The following TBX22 variants were observed in gnomAD, a reference collection of about 807,000 sequenced individuals.
The protein encoded by TBX22 is T-box transcription factor TBX22.
A neutral mutation model predicts 30.1 loss-of-function variants in TBX22; 8 were observed. The ratio of observed to expected loss-of-function variants is 0.27; its 90% confidence interval spans 0.16 to 0.48. The LOEUF (loss-of-function observed/expected upper bound fraction) is 0.48, where lower values mean the gene tolerates loss of function less well. TBX22 is among the 20% of genes least tolerant of loss of function. TBX22 has a pLI of 0.99. For synonymous variants in TBX22, 173 were observed against 149.1 expected (o/e 1.16, Z -1.17); for missense variants, 463 against 400.5 (o/e 1.16, Z -1.33).
At chrX:80,018,333 A>T (rs1391015947) in intron 1 of TBX22, among the ~76,000 whole-genome samples, 1 of 112,439 alleles carries the variant, frequency 8.9e-6, no homozygotes, top group Non-Finnish European at 1.9e-5. Flanking sequence ...TGAACTTGAT[A>T]AAAACAGGTC....
chrX:80,020,538 T>A (rs1337374670), intron 1 of TBX22, among the ~76,000 whole-genome samples: 1 of 112,132 alleles, frequency 8.9e-6, no homozygotes, highest in Non-Finnish European at 1.9e-5. Context: ...TTCTCAATTC[T>A]GCATGGTGAG....
At position 80,031,038 on chromosome X, in the gene TBX22, A is replaced by G; in HGVS notation, c.1490A>G (p.Asp497Gly). Reference protein sequence around the residue: ...SGSNHLKVNDDSQVSFGEGKC... With the variant: ...SGSNHLKVNDGSQVSFGEGKC... ...TCCAACCATCTTAAAGTGAATGACG[A>G]CAGTCAAGTTTCTTTTGGAGAAGGC... The change falls in exon 9 of 9, where the codon GAC becomes GGC. Residue 497 changes from aspartate to glycine, a missense_variant. Asp to Gly is a moderately conservative substitution (Grantham distance 94). Transcript: ENST00000373296. 2 of 1,210,910 alleles carry G rather than the reference A, an allele frequency of 1.7e-6. No homozygotes were observed. The highest frequency in any genetic ancestry group is 2.2e-6 in the Non-Finnish European group (2 of 894,515).
At chrX:80,027,223 G>A (rs368333498) in intron 6 of TBX22, 33 bp from the exon 7 acceptor site, 79 of 804,713 alleles carry the variant, frequency 9.8e-5, no homozygotes, top group Non-Finnish European at 1.4e-4. Flanking sequence ...TGAAAGCAAT[G>A]ACTTTATCTT....
At chrX:80,026,165 T>C (rs1171713220) in intron 5 of TBX22, among the ~76,000 whole-genome samples, 1 of 111,080 alleles carries the variant, frequency 9.0e-6, no homozygotes, top group Non-Finnish European at 1.9e-5. Flanking sequence ...GTATGGTATG[T>C]GTGATGGAAG....
chrX:80,021,488 C>G (rs1186342165), intron 1 of TBX22, among the ~76,000 whole-genome samples: 3 of 112,133 alleles, frequency 2.7e-5, no homozygotes, highest in Non-Finnish European at 3.8e-5. Context: ...TTCTGTTTCC[C>G]AGTGCCTTCA....
intron 3 of TBX22, among the ~76,000 whole-genome samples, chrX:80,023,684 C>T (rs1923830140): frequency 9.0e-6 from 1 of 111,618 alleles, no homozygotes. Context: ...TTCACTGCAG[C>T]TGGTTATTTT....
intron 1 of TBX22, among the ~76,000 whole-genome samples, chrX:80,017,658 C>T (rs1162134026): frequency 1.8e-5 from 2 of 111,529 alleles, no homozygotes; most frequent in East Asian, 2.8e-4. Flanking sequence ...TTTTCTTTTT[C>T]GTTTATTCAT....
intron 1 of TBX22, among the ~76,000 whole-genome samples, chrX:80,019,631 C>A (rs764933746): frequency 9.0e-6 from 1 of 110,988 alleles, no homozygotes; most frequent in Non-Finnish European, 1.9e-5. Context: ...TTAGTACATG[C>A]GCCTCAGGCC....
chrX:80,022,413 G>A lies in TBX22; in HGVS notation c.144G>A (p.Arg48=), dbSNP rs1378785446. 1 of 1,198,578 alleles carries A rather than the reference G, an allele frequency of 8.3e-7. No homozygotes were observed. Among genetic ancestry groups the A allele is most frequent in the Non-Finnish European group, 1.1e-6 (1 of 888,895 alleles). ...GCGGAGAGGAAGAGGAGGAGAGAAG[G>A]AGCAGCGCTGCAGGGAAGAGCGAGC... ...KKGGEEEEER[R]SSAAGKSEPL... Residue 48 remains arginine (R), a synonymous_variant, in exon 2 of 9, where the codon AGG becomes AGA. Coordinates refer to ENST00000373296, the MANE Select transcript of TBX22 (RefSeq NM_001109878.2).
At position 80,027,261 on chromosome X, in the gene TBX22, G is replaced by A. The variant is rs150811689; in HGVS notation, c.804G>A (p.Thr268=). 6.7e-4 allele frequency: 702 copies of A among 1,050,330 alleles called. No homozygotes were observed. The African/African-American group carries it at 7.5e-3, about 11-fold the overall frequency. 86.6% of individuals were successfully genotyped at this position (1,050,330 alleles called of 1,213,427 possible). The part of the protein sequence containing the change: ...TVTAYQNQQI[T]KLKIERNPFA... Reference sequence around the variant, plus strand: ...TCTCTCTATTGAATCCATAGATTACGAAACTAAAAATAGAAAGAAATCCTT... The same window carrying A: ...TCTCTCTATTGAATCCATAGATTACAAAACTAAAAATAGAAAGAAATCCTT... Residue 268 remains threonine (T), a synonymous_variant, in exon 7 of 9, where the codon ACG becomes ACA. Transcript: ENST00000373296.
In TBX22 at chrX:80,022,849, G is replaced by C. The variant is rs186431099; in HGVS notation, c.176-211G>C. Among the ~76,000 whole-genome samples the C allele has an allele frequency of 8.2e-4, 89 of 108,436 alleles. 1 individual carries two copies. In the East Asian group the frequency reaches 0.024, roughly 29 times the overall value. The allele number at this position is 108,436 out of a possible 115,157, so 94.2% of individuals were successfully genotyped here. ...AAAAAAAAAAAAAGCTGGTGTGGGC[G>C]GGGGGTAGGTGTCGGGTGTCGCACC... is the stretch of plus-strand genomic sequence containing the variant. On this transcript the variant is annotated intron_variant, in intron 2 of 8. Coordinates refer to ENST00000373296, the MANE Select transcript of TBX22 (RefSeq NM_001109878.2).
chrX:80,022,069 A>ACAG (rs1469723851), intron 1 of TBX22, among the ~76,000 whole-genome samples, 199 bp from the exon 2 acceptor site: 5 of 92,802 alleles, frequency 5.4e-5, no homozygotes, highest in Non-Finnish European at 1.1e-4. Context: ...CACACACACA[A>ACAG]TTATTTTCTT....
At chrX:80,017,384 G>A (rs1282747357) in intron 1 of TBX22, among the ~76,000 whole-genome samples, 5 of 107,740 alleles carry the variant, frequency 4.6e-5, no homozygotes, top group Admixed American at 1.0e-4. Context: ...GGATGATCTC[G>A]AACTCCTGGA....
rs776595410 is a variant in TBX22 at position 80,023,175 on chromosome X, A to G, written c.291A>G (p.Gln97=). The change falls in exon 3 of 9, where the codon CAA becomes CAG. Residue 97 remains glutamine, a synonymous_variant. Coordinates refer to ENST00000373296, the MANE Select transcript of TBX22 (RefSeq NM_001109878.2). The part of the protein sequence containing the change: ...LEEKDIQMEL[Q]GSELWKRFHD... Reference sequence around the variant, plus strand: ...AGAAAGATATTCAAATGGAGCTTCAAGGATCTGAACTGTGGAAAAGATTCC... The same window carrying G: ...AGAAAGATATTCAAATGGAGCTTCAGGGATCTGAACTGTGGAAAAGATTCC... 4.1e-5 allele frequency: 50 copies of G among 1,210,376 alleles called. No individual in the cohort carries two copies. Among genetic ancestry groups the G allele is most frequent in the Non-Finnish European group, 5.0e-5 (45 of 895,176 alleles).
intron 2 of TBX22, among the ~76,000 whole-genome samples, chrX:80,022,816 C>CT (rs1555992012): frequency 4.1e-5 from 3 of 73,048 alleles, no homozygotes; most frequent in African/African-American, 1.7e-4. Context: ...ATTGGCAAAT[C>CT]TAAAAAAAAA....
intron 1 of TBX22, among the ~76,000 whole-genome samples, chrX:80,016,994 A>C (rs1389449787): frequency 6.2e-5 from 5 of 80,970 alleles, no homozygotes; most frequent in Non-Finnish European, 2.3e-5. Flanking sequence ...CAACAGAGGG[A>C]GATTCTGTCT....
intron 1 of TBX22, among the ~76,000 whole-genome samples, chrX:80,021,745 C>T (rs1923703176): frequency 8.9e-6 from 1 of 111,746 alleles, no homozygotes; most frequent in African/African-American, 3.3e-5. Flanking sequence ...CCAAAACAAA[C>T]AGTGGAGGCA....
Position 80,023,235 on chromosome X carries a change from G to T in TBX22, c.351G>T (p.Ala117=). 1 of 1,210,871 alleles carries T rather than the reference G, an allele frequency of 8.3e-7. No individual in the cohort carries two copies. Among genetic ancestry groups the T allele is most frequent in the Non-Finnish European group, 1.1e-6 (1 of 894,888 alleles). ...DIGTEMIITK[A]GRRMFPSVRV... is the part of the protein sequence containing the mutation. ...GGACTGAGATGATCATTACTAAAGC[G>T]GGCAGGTTCGGTTCTGCCCAAGCTG... is the stretch of plus-strand genomic sequence containing the variant. The change falls in exon 3 of 9, where the codon GCG becomes GCT. Residue 117 remains alanine (A), a synonymous_variant. Coordinates refer to ENST00000373296, the MANE Select transcript of TBX22 (RefSeq NM_001109878.2).
chrX:80,022,553 A>G, intron 2 of TBX22, 109 bp downstream of exon 2: 1 of 786,662 alleles, frequency 1.3e-6, no homozygotes, highest in Admixed American at 2.6e-5. Flanking sequence ...GAGCCGCGAG[A>G]CACCTCGACC....
Sources: gnomAD v4.1 joint callset for allele counts (sites outside exome capture counted in the v4.1 genomes callset) on GRCh38, gnomAD v4.1.1 for gene constraint, MANE v1.5 for transcripts, NCBI Gene and HGNC (gene_info 2026-07-23, HGNC 2026-07-21) for gene names.